Variants in CRYBG3 observed in about 807,000 individuals in gnomAD.
CRYBG3 encodes the protein very large A-kinase anchor protein.
Under a neutral mutation model 244.2 loss-of-function variants are expected in CRYBG3, and 127 were observed. That is an observed-to-expected ratio of 0.52 (90% CI 0.45 to 0.60). The LOEUF is 0.60. Ranked by LOEUF, CRYBG3 falls within the 20% of genes least tolerant of loss-of-function variation. CRYBG3 has a pLI of 0.00. For synonymous variants in CRYBG3, 1,132 were observed against 1,195.8 expected, an observed-to-expected ratio of 0.95 and a Z score of 1.10; for missense variants, 3,325 against 3,442.5, an observed-to-expected ratio of 0.97 and a Z score of 0.85.
At chr3:97,830,907 G>A (rs887224248) in intron 1 of CRYBG3, among the ~76,000 whole-genome samples, 1 of 152,140 alleles carries the variant, frequency 6.6e-6, no homozygotes, top group Non-Finnish European at 1.5e-5. Flanking sequence ...TGTGGTCTGT[G>A]CTTTCTATAC....
At chr3:97,925,940 G>A (rs1308247339) in intron 17 of CRYBG3, among the ~76,000 whole-genome samples, 5 of 152,058 alleles carry the variant, frequency 3.3e-5, no homozygotes, top group Middle Eastern at 3.4e-3. Context: ...GGCTCTATGA[G>A]AAGGATTATA....
At position 97,828,501 on chromosome 3, in the gene CRYBG3, A is replaced by G. The variant is rs574295568; in HGVS notation, c.149+6146A>G. 4.6e-5 allele frequency among the ~76,000 whole-genome samples: 7 copies of G among 151,934 alleles called. No individual in the cohort carries two copies. The East Asian group carries it at 1.4e-3, about 29-fold the overall frequency. On this transcript the variant is annotated intron_variant, in intron 1 of 21. Coordinates refer to ENST00000389622, the MANE Select transcript of CRYBG3 (RefSeq NM_153605.4). ...TAGGAAAGCTTTTTATGTACTGTTA[A>G]GGAAATATCTCCAAGATACATTAAG...
At chr3:97,938,210 A>T (rs981867151) in intron 19 of CRYBG3, among the ~76,000 whole-genome samples, 16 of 151,988 alleles carry the variant, frequency 1.1e-4, no homozygotes, top group African/African-American at 3.9e-4. Flanking sequence ...GAGAAGAATA[A>T]GGCTCCATCT....
intron 17 of CRYBG3, among the ~76,000 whole-genome samples, chr3:97,922,889 A>G (rs1248442146): frequency 6.6e-6 from 1 of 151,846 alleles, no homozygotes; most frequent in African/African-American, 2.4e-5. Context: ...ACATGCACAC[A>G]TATGTTTATT....
intron 1 of CRYBG3, among the ~76,000 whole-genome samples, chr3:97,835,118 T>A (rs1016371945): frequency 6.6e-6 from 1 of 152,094 alleles, no homozygotes; most frequent in Non-Finnish European, 1.5e-5. Context: ...CTGACAATAA[T>A]GCGTATATTT....
Position 97,864,627 on chromosome 3 carries a change from A to G in CRYBG3, c.627A>G (p.Gln209=). 1 of 1,517,892 alleles carries G rather than the reference A, an allele frequency of 6.6e-7. No individual in the cohort carries two copies. The allele number at this position is 1,517,892 out of a possible 1,614,324, so 94.0% of individuals were successfully genotyped here. The change falls in exon 3 of 22, where the codon CAA becomes CAG. Residue 209 remains glutamine, a synonymous_variant. Coordinates refer to ENST00000389622, the MANE Select transcript of CRYBG3 (RefSeq NM_153605.4). ...TGGATACAACACAAGACAGTGACCA[A>G]GAAACCACTAATTTGCTAAAGTAAG... is the stretch of plus-strand genomic sequence containing the variant. ...FSLDTTQDSD[Q]ETTNLLKQID...
intron 18 of CRYBG3, among the ~76,000 whole-genome samples, chr3:97,935,887 A>T (rs1559748913): frequency 6.6e-6 from 1 of 152,164 alleles, no homozygotes; most frequent in East Asian, 1.9e-4. Flanking sequence ...CAGGTGCTTT[A>T]TCAAAATAAA....
rs552184266 is a variant in CRYBG3, at chr3:97,873,737, C to T, written c.2543C>T (p.Pro848Leu). 15 of 1,535,640 alleles carry T rather than the reference C, an allele frequency of 9.8e-6. No individual in the cohort carries two copies. The highest frequency in any genetic ancestry group is 1.3e-5 in the Non-Finnish European group (15 of 1,146,720). ...LSKVSLSKVE[P>L]RNISQDKMSS... ...AAGGTATCTCTTTCAAAAGTGGAGC[C>T]CAGAAACATTTCTCAGGATAAAATG... Residue 848 changes from proline to leucine, a missense_variant, in exon 4 of 22, where the codon CCC becomes CTC. By Grantham distance (98) the Pro-to-Leu change is moderately conservative (BLOSUM62 -3). This residue lies in a region of CRYBG3 where 1,526 missense variants were observed against 1,443.2 expected (regional missense o/e 1.06). Transcript: ENST00000389622.
At chr3:97,922,500 A>G (rs2039994382) in intron 17 of CRYBG3, among the ~76,000 whole-genome samples, 1 of 152,200 alleles carries the variant, frequency 6.6e-6, no homozygotes, top group Non-Finnish European at 1.5e-5. Context: ...GGAAAAAATC[A>G]AACAACCCCA....
chr3:97,904,326 A>C (rs574446173), intron 15 of CRYBG3, among the ~76,000 whole-genome samples: 1 of 152,314 alleles, frequency 6.6e-6, no homozygotes, highest in East Asian at 1.9e-4. Context: ...CAACTCAGAT[A>C]AGCATTTAAC....
chr3:97,944,199 T>G lies in CRYBG3; in HGVS notation c.*885T>G, dbSNP rs2040298438. 6.6e-6 allele frequency: 1 copy of G among 151,760 alleles called. No homozygotes were observed. Among genetic ancestry groups the G allele is most frequent in the African/African-American group, 2.4e-5 (1 of 41,360 alleles). The allele number at this position is 151,760 out of a possible 1,614,324, so 9.4% of individuals were successfully genotyped here. A position where few individuals can be genotyped will look rare whatever the true frequency, so the allele number is the denominator to read the frequency against. ...ACCTTGACCTTACCATCTCTTTAAGTAAACGTGGAGTTGATTTCTCTACTA... is the reference window on the plus strand; with the variant it reads ...ACCTTGACCTTACCATCTCTTTAAGGAAACGTGGAGTTGATTTCTCTACTA... On this transcript the variant is annotated 3_prime_UTR_variant, in exon 22 of 22. Transcript: ENST00000389622.
chr3:97,887,124 A>T (rs528746326), intron 8 of CRYBG3, among the ~76,000 whole-genome samples: 95 of 152,332 alleles, frequency 6.2e-4, no homozygotes, highest in Admixed American at 1.5e-3. Context: ...TATCAGGCAC[A>T]TATGGCTTTT....
In CRYBG3 at chr3:97,861,471, G is replaced by A. The variant is rs557894922; in HGVS notation, c.217-2746G>A. Among the ~76,000 whole-genome samples the A allele has an allele frequency of 2.0e-5, 3 of 152,108 alleles. No individual in the cohort carries two copies. The South Asian group carries it at 6.2e-4, about 32-fold the overall frequency. ...ACATAATGCTTTCCTGTATTTTGTT[G>A]CGTTGGGCCCCAACATAGCAAAGAG... On this transcript the variant is annotated intron_variant, in intron 2 of 21. Coordinates refer to ENST00000389622, the MANE Select transcript of CRYBG3 (RefSeq NM_153605.4).
chr3:97,890,264 T>C (rs534147430), intron 10 of CRYBG3, among the ~76,000 whole-genome samples: 1 of 152,318 alleles, frequency 6.6e-6, no homozygotes, highest in Non-Finnish European at 1.5e-5. Flanking sequence ...AGAGATACTG[T>C]ATTAGTTTGG....
intron 17 of CRYBG3, among the ~76,000 whole-genome samples, chr3:97,920,859 T>C (rs902568883): frequency 8.5e-5 from 13 of 152,238 alleles, no homozygotes; most frequent in African/African-American, 2.6e-4. Flanking sequence ...TTTCCTCTTA[T>C]CTCCTTTCCA....
Position 97,874,460 on chromosome 3 carries a change from C to T in CRYBG3, c.3266C>T (p.Thr1089Ile), listed in dbSNP as rs921065034. Reference sequence around the variant, plus strand: ...AATAATTTGGATTCTATACAAGTTACCAAAGATCTCACACATGAAGGTACC... The same window carrying T: ...AATAATTTGGATTCTATACAAGTTATCAAAGATCTCACACATGAAGGTACC... ...PQNNLDSIQV[T>I]KDLTHEGTSV... The change falls in exon 4 of 22, where the codon ACC (threonine) becomes ATC (isoleucine). Residue 1089 changes from threonine to isoleucine, a missense_variant. Around this residue, in one of 4 missense-constraint regions of CRYBG3, gnomAD observed 1,526 missense variants for 1,443.2 expected, o/e 1.06. Transcript: ENST00000389622. The T allele has an allele frequency of 2.0e-6, 3 of 1,534,636 alleles. No homozygotes were observed. Among genetic ancestry groups the T allele is most frequent in the Non-Finnish European group, 1.7e-6 (2 of 1,146,298 alleles).
rs1477360767 is a variant in CRYBG3, at chr3:97,874,612, T to A, written c.3418T>A (p.Phe1140Ile). ...TTATACTGGGAAGATATCCATTGAT[T>A]TCCCAACTGCTGCCCAATTTGACAA... Reference protein sequence around the residue: ...GIYTGKISIDFPTAAQFDNLV... With the variant: ...GIYTGKISIDIPTAAQFDNLV... Residue 1140 changes from phenylalanine (F) to isoleucine (I), a missense_variant, in exon 4 of 22, where the codon TTC (phenylalanine) becomes ATC (isoleucine). Transcript: ENST00000389622. 1 of 1,536,068 alleles carries A rather than the reference T, an allele frequency of 6.5e-7. No individual in the cohort carries two copies. Among genetic ancestry groups the A allele is most frequent in the Non-Finnish European group, 8.7e-7 (1 of 1,146,866 alleles).
rs370317726 is a variant in CRYBG3, at chr3:97,877,719, G to C, written c.6525G>C (p.Leu2175Phe). Residue 2175 changes from leucine to phenylalanine, a missense_variant, in exon 4 of 22, where the codon TTG becomes TTC. Coordinates refer to ENST00000389622, the MANE Select transcript of CRYBG3 (RefSeq NM_153605.4). ...GTGGGGAGCGTGTTACCTTCCAGTT[G>C]CCAGATCCTTCCATCACATTTTACC... The part of the protein sequence containing the change: ...AGSGERVTFQ[L>F]PDPSITFYPD... 1.9e-6 allele frequency: 3 copies of C among 1,613,954 alleles called. No homozygotes were observed. Among genetic ancestry groups the C allele is most frequent in the Non-Finnish European group, 2.5e-6 (3 of 1,179,996 alleles).
intron 15 of CRYBG3, among the ~76,000 whole-genome samples, chr3:97,908,306 G>A (rs1273729515): frequency 6.6e-6 from 1 of 152,080 alleles, no homozygotes; most frequent in African/African-American, 2.4e-5. Flanking sequence ...TATCCTTGTT[G>A]ACTTTCAGTC....
Sources: allele counts gnomAD v4.1 joint callset (sites outside exome capture counted in the v4.1 genomes callset), GRCh38; gene constraint gnomAD v4.1.1; regional missense constraint gnomAD v4.1.1; transcripts MANE v1.5; gene names NCBI Gene and HGNC (gene_info 2026-07-23, HGNC 2026-07-21).